Variants in TMEM43 observed in about 807,000 individuals in gnomAD.
TMEM43 encodes the protein arrhythmogenic right ventricular dysplasia 5.
Under a neutral mutation model 49.6 loss-of-function variants are expected in TMEM43, and 45 were observed. The ratio of observed to expected loss-of-function variants is 0.91; its 90% CI spans 0.71 to 1.16. TMEM43 has a LOEUF of 1.16. Ranked by LOEUF, TMEM43 falls within the 50% of genes most tolerant of loss-of-function variation. TMEM43 has a pLI of 0.00. For missense variants in TMEM43, 532 were observed against 516.6 expected (o/e 1.03, Z -0.29); for synonymous variants, 199 against 207.8 (o/e 0.96, Z 0.36).
chr3:14,135,230 G>T lies in TMEM43; in HGVS notation c.778G>T (p.Val260Leu). ...GDDPDLGPAH[V>L]VTVIARQRGD... The stretch of plus-strand genomic sequence containing the variant: ...TGACCCTGACCTGGGCCCAGCTCAC[G>T]TGGTAACCTGGCTTCCCAGGGGCAG... The change falls in exon 9 of 12, where the codon GTG (valine) becomes TTG (leucine). Residue 260 changes from valine (V) to leucine (L), a missense_variant and splice_region_variant. Coordinates refer to ENST00000306077, the MANE Select transcript of TMEM43 (RefSeq NM_024334.3). The T allele has an allele frequency of 1.2e-6, 2 of 1,611,706 alleles. No individual in the cohort carries two copies. The highest frequency in any genetic ancestry group is 1.7e-6 in the Non-Finnish European group (2 of 1,179,814).
chr3:14,127,967 C>G (rs1695041049), intron 1 of TMEM43, among the ~76,000 whole-genome samples: 1 of 152,160 alleles, frequency 6.6e-6, no homozygotes, highest in African/African-American at 2.4e-5. Context: ...TGGTGCCAGC[C>G]CAGTATCAGT....
At chr3:14,131,123 T>C (rs1193351547) in intron 3 of TMEM43, among the ~76,000 whole-genome samples, 167 bp downstream of exon 3, 1 of 152,190 alleles carries the variant, frequency 6.6e-6, no homozygotes. Flanking sequence ...AGTCTCAGTG[T>C]CTTCGTGTAT....
In TMEM43 at chr3:14,139,195, G is replaced by A. The variant is rs746029667; in HGVS notation, c.898G>A (p.Glu300Lys). Residue 300 changes from glutamate (E) to lysine (K), a missense_variant, in exon 11 of 12, where the codon GAA becomes AAA. By Grantham distance (56) the Glu-to-Lys change is moderately conservative. Transcript: ENST00000306077. ...DFSAEEVFHRELRSNSMKTWG... is the reference protein window; with the variant it reads ...DFSAEEVFHRKLRSNSMKTWG... ...TGTCCTGCAGGAGGTGTTTCATAGA[G>A]AACTAAGGAGCAACTCCATGAAGAC... 1 of 1,614,034 alleles carries A rather than the reference G, an allele frequency of 6.2e-7. No homozygotes were observed. Among genetic ancestry groups the A allele is most frequent in the Admixed American group, 1.7e-5 (1 of 60,036 alleles).
rs1027692953 is a variant in TMEM43 at position 14,142,688 on chromosome 3, C to A, written c.*893C>A. ...GTTTGATTGATAAAAAGTTACCTCT[C>A]AGTATTTTGTGTCACTGAGAAGCTT... is the stretch of plus-strand genomic sequence containing the variant. On this transcript the variant is annotated 3_prime_UTR_variant, in exon 12 of 12. Transcript: ENST00000306077. 2 of 152,624 alleles carry A rather than the reference C, an allele frequency of 1.3e-5. No homozygotes were observed. The allele number at this position is 152,624 out of a possible 1,614,324, so 9.5% of individuals were successfully genotyped here.
chr3:14,135,965 C>T (rs751176699), intron 10 of TMEM43, 57 bp downstream of exon 10: 1 of 1,434,866 alleles, frequency 7.0e-7, no homozygotes, highest in South Asian at 1.1e-5. Context: ...TCCTTCCTTC[C>T]AGTGGTTATT....
At chr3:14,127,642 G>T (rs1171093218) in intron 1 of TMEM43, among the ~76,000 whole-genome samples, 2 of 152,226 alleles carry the variant, frequency 1.3e-5, no homozygotes, top group Non-Finnish European at 2.9e-5. Flanking sequence ...GGGCTTGCCT[G>T]TGGGCTGGCC....
intron 6 of TMEM43, 45 bp downstream of exon 6, chr3:14,132,980 G>T (rs772312969): frequency 6.8e-7 from 1 of 1,468,242 alleles, no homozygotes; most frequent in Non-Finnish European, 9.5e-7. Context: ...GTCTACACTG[G>T]CAGGTCTCCA....
chr3:14,141,707 G>C lies in TMEM43; in HGVS notation c.1115G>C (p.Arg372Pro). 1 of 1,614,038 alleles carries C rather than the reference G, an allele frequency of 6.2e-7. No individual in the cohort carries two copies. The highest frequency in any genetic ancestry group is 8.5e-7 in the Non-Finnish European group (1 of 1,180,010). The change falls in exon 12 of 12, where the codon CGA (arginine) becomes CCA (proline). Residue 372 changes from arginine (R) to proline (P), a missense_variant. Physicochemically the swap from Arg to Pro is moderately radical, Grantham distance 103 (BLOSUM62 -2). Coordinates refer to ENST00000306077, the MANE Select transcript of TMEM43 (RefSeq NM_024334.3). Reference protein sequence around the residue: ...LTVAAGWLFYRPLWALLIAGL... With the variant: ...LTVAAGWLFYPPLWALLIAGL... Reference sequence around the variant, plus strand: ...GTGGCGGCTGGCTGGCTCTTCTACCGACCCCTGTGGGCCCTCCTCATTGCC... The same window carrying C: ...GTGGCGGCTGGCTGGCTCTTCTACCCACCCCTGTGGGCCCTCCTCATTGCC...
chr3:14,132,737 C>A, intron 5 of TMEM43, 129 bp from the exon 6 acceptor site: 1 of 1,363,164 alleles, frequency 7.3e-7, no homozygotes, highest in South Asian at 1.2e-5. Flanking sequence ...CAGAGCCCTG[C>A]TTTCCCACCC....
chr3:14,126,013 G>T (rs565549456), intron 1 of TMEM43, among the ~76,000 whole-genome samples: 4 of 152,244 alleles, frequency 2.6e-5, no homozygotes, highest in Middle Eastern at 3.4e-3. Context: ...AGCCCAGCCA[G>T]CCCCAGACAC....
chr3:14,134,953 C>T lies in TMEM43; in HGVS notation c.705+62C>T, dbSNP rs987695266. ...TCAGGGCGCTAGGATCAGGTTCCTGCGCCAGGCAGATTCAGTTCAGTCGCA... is the reference window on the plus strand; with the variant it reads ...TCAGGGCGCTAGGATCAGGTTCCTGTGCCAGGCAGATTCAGTTCAGTCGCA... On this transcript the variant is annotated intron_variant, in intron 8 of 11. Coordinates refer to ENST00000306077, the MANE Select transcript of TMEM43 (RefSeq NM_024334.3). 6.4e-5 allele frequency: 103 copies of T among 1,609,866 alleles called. No homozygotes were observed. The African/African-American group carries it at 1.1e-3, about 17-fold the overall frequency.
chr3:14,131,508 C>T, intron 3 of TMEM43, 72 bp from the exon 4 acceptor site: 4 of 1,318,518 alleles, frequency 3.0e-6, no homozygotes, highest in Non-Finnish European at 4.3e-6. Flanking sequence ...TCCAGCTTCC[C>T]CTGAGCCAGG....
chr3:14,131,697 C>A (rs772856458), intron 4 of TMEM43, 23 bp downstream of exon 4: 2 of 1,571,090 alleles, frequency 1.3e-6, no homozygotes, highest in African/African-American at 1.3e-5. Flanking sequence ...GGTGAAAACT[C>A]TGTTGGGGTA....
intron 1 of TMEM43, among the ~76,000 whole-genome samples, chr3:14,126,189 A>G (rs1695018962): frequency 1.3e-5 from 2 of 152,282 alleles, no homozygotes; most frequent in South Asian, 4.1e-4. Flanking sequence ...GTCTCGGGTT[A>G]GTATCATCCA....
Position 14,143,470 on chromosome 3 carries a change from C to CG in TMEM43, c.*1677dup, listed in dbSNP as rs886058041. On this transcript the variant is annotated 3_prime_UTR_variant, in exon 12 of 12. Coordinates refer to ENST00000306077, the MANE Select transcript of TMEM43 (RefSeq NM_024334.3). ...TCTCCAAACTCTTAAAGGATGCTTT[C>CG]GGAAAACACGCTGTATACCTAGATG... is the stretch of plus-strand genomic sequence containing the variant. The CG allele has an allele frequency of 2.4e-4, 36 of 152,302 alleles. No homozygotes were observed. The East Asian group carries it at 6.9e-3, about 29-fold the overall frequency. The allele number at this position is 152,302 out of a possible 1,614,324, so 9.4% of individuals were successfully genotyped here.
At chr3:14,134,922 G>C (rs756274773) in intron 8 of TMEM43, 31 bp downstream of exon 8, 2 of 1,613,848 alleles carry the variant, frequency 1.2e-6, no homozygotes, top group South Asian at 2.2e-5. Flanking sequence ...TCTCCAAATA[G>C]GAGGGTCAGG....
intron 11 of TMEM43, among the ~76,000 whole-genome samples, 183 bp from the exon 12 acceptor site, chr3:14,141,410 T>C (rs1695244093): frequency 6.6e-6 from 1 of 152,216 alleles, no homozygotes; most frequent in Non-Finnish European, 1.5e-5. Flanking sequence ...ACGCAGCTCA[T>C]AGCAGAGGCT....
At chr3:14,130,485 CATAAAA>C (rs1695078164) in intron 2 of TMEM43, among the ~76,000 whole-genome samples, 1 of 151,910 alleles carries the variant, frequency 6.6e-6, no homozygotes, top group African/African-American at 2.4e-5. Flanking sequence ...AAAACTTAAA[CATAAAA>C]ATAAAATTAA....
At chr3:14,141,560 G>T (rs1307473682) in intron 11 of TMEM43, 33 bp from the exon 12 acceptor site, 2 of 1,582,066 alleles carry the variant, frequency 1.3e-6, no homozygotes, top group African/African-American at 2.7e-5. Flanking sequence ...GTGTAGAGCA[G>T]GTGGCACCTC....
Sources: allele counts gnomAD v4.1 joint callset (sites outside exome capture counted in the v4.1 genomes callset), GRCh38; gene constraint gnomAD v4.1.1; transcripts MANE v1.5; gene names NCBI Gene and HGNC (gene_info 2026-07-23, HGNC 2026-07-21).